Variants in N4BP2L2 observed in about 807,000 individuals in gnomAD.
N4BP2L2 encodes the protein NEDD4 binding protein 2 like 2, also known as NEDD4-binding protein 2-like 2.
In N4BP2L2, 50 loss-of-function variants were observed where a neutral mutation model predicts 56.2. That is an observed-to-expected ratio of 0.89 (90% CI 0.71 to 1.13). The LOEUF is 1.13. Among genes scored for constraint, N4BP2L2 ranks in the 50% most tolerant of loss-of-function variants. The pLI is 0.00. For synonymous variants in N4BP2L2, 203 were observed against 223.6 expected (o/e 0.91, Z 0.82); for missense variants, 689 against 693.8 (o/e 0.99, Z 0.08).
intron 6 of N4BP2L2, among the ~76,000 whole-genome samples, chr13:32,483,520 A>G (rs1341556081): frequency 6.6e-6 from 1 of 152,232 alleles, no homozygotes. Flanking sequence ...TAGGTTGTAC[A>G]TCACTAAATT....
chr13:32,529,282 G>T (rs2053958919), intron 2 of N4BP2L2, among the ~76,000 whole-genome samples: 1 of 152,156 alleles, frequency 6.6e-6, no homozygotes, highest in Admixed American at 6.5e-5. Flanking sequence ...CCATTAAAAT[G>T]CCAATTAAAA....
In N4BP2L2 at chr13:32,478,299, T is replaced by A. The variant is rs1187563185; in HGVS notation, c.366-34173A>T. On this transcript the variant is annotated intron_variant, in intron 6 of 9. Transcript: ENST00000357505. The stretch of plus-strand genomic sequence containing the variant: ...TCCTGTGAATTTAATGACCCCAAAT[T>A]ATTGGAGAACTTTGAGAATGGTCAT... The A allele has an allele frequency of 1.2e-5, 3 of 257,048 alleles. No individual in the cohort carries two copies. In the East Asian group the frequency reaches 2.6e-4, roughly 22 times the overall value. The allele number at this position is 257,048 out of a possible 1,614,324, so 15.9% of individuals were successfully genotyped here.
intron 6 of N4BP2L2, among the ~76,000 whole-genome samples, chr13:32,448,395 A>G (rs2077358481): frequency 6.6e-6 from 1 of 152,208 alleles, no homozygotes; most frequent in South Asian, 2.1e-4. Context: ...ATCACTAAAT[A>G]AAAGTTAGTC....
At chr13:32,492,827 T>G (rs2087480015) in intron 6 of N4BP2L2, among the ~76,000 whole-genome samples, 1 of 151,792 alleles carries the variant, frequency 6.6e-6, no homozygotes, top group South Asian at 2.1e-4. Context: ...AAATTTTGTA[T>G]ATTTAAAATT....
At chr13:32,487,442 A>C (rs1190217583) in intron 6 of N4BP2L2, among the ~76,000 whole-genome samples, 1 of 149,282 alleles carries the variant, frequency 6.7e-6, no homozygotes, top group Non-Finnish European at 1.5e-5. Flanking sequence ...GCACCACTGC[A>C]CTCCAGTCAG....
chr13:32,454,301 T>C (rs1466528548), intron 6 of N4BP2L2, among the ~76,000 whole-genome samples: 1 of 152,214 alleles, frequency 6.6e-6, no homozygotes, highest in Non-Finnish European at 1.5e-5. Flanking sequence ...GTTGAATCAC[T>C]AGCTGACTAC....
chr13:32,458,303 G>A (rs2079351613), intron 6 of N4BP2L2, among the ~76,000 whole-genome samples: 1 of 152,194 alleles, frequency 6.6e-6, no homozygotes, highest in East Asian at 1.9e-4. Flanking sequence ...CTGACCTCAT[G>A]ATCCGCCCAT....
chr13:32,477,966 GA>G, intron 6 of N4BP2L2: 1 of 1,289,330 alleles, frequency 7.8e-7, no homozygotes, highest in Non-Finnish European at 1.0e-6. Flanking sequence ...TCATGTCCTT[GA>G]TTCCAGCTCC....
intron 2 of N4BP2L2, among the ~76,000 whole-genome samples, chr13:32,532,985 A>T (rs1330696081): frequency 6.6e-6 from 1 of 151,938 alleles, no homozygotes; most frequent in Non-Finnish European, 1.5e-5. Context: ...TCAGCCTCCC[A>T]AAGTGCTGGG....
intron 3 of N4BP2L2, chr13:32,526,827 T>G (rs1365559598): frequency 2.2e-5 from 3 of 138,410 alleles, no homozygotes; most frequent in Admixed American, 2.1e-4. Flanking sequence ...TGTTTTTTTT[T>G]TTTTTTTTTT....
intron 6 of N4BP2L2, among the ~76,000 whole-genome samples, chr13:32,449,775 C>A (rs552582967): frequency 1.3e-5 from 2 of 152,112 alleles, no homozygotes; most frequent in African/African-American, 4.8e-5. Flanking sequence ...GAGACTCCCA[C>A]GATGCAATTC....
chr13:32,520,911 G>A (rs1241464651), intron 5 of N4BP2L2, among the ~76,000 whole-genome samples: 1 of 152,144 alleles, frequency 6.6e-6, no homozygotes, highest in Non-Finnish European at 1.5e-5. Context: ...TTTACATTAT[G>A]CAGATTCTTT....
chr13:32,521,873 G>A, intron 4 of N4BP2L2: 1 of 314,506 alleles, frequency 3.2e-6, no homozygotes, highest in Non-Finnish European at 5.8e-6. Context: ...CTACTCAGGT[G>A]GCTGAGGCAG....
exon 2 of N4BP2L2, chr13:32,536,755 T>A: frequency 1.2e-6 from 2 of 1,614,178 alleles, no homozygotes; most frequent in African/African-American, 2.7e-5. Context: ...CAATAACATC[T>A]GGTCTATTAC....
intron 6 of N4BP2L2, among the ~76,000 whole-genome samples, chr13:32,492,975 T>A (rs35555940): frequency 0.28 from 40,111 of 144,674 alleles, 6,634 homozygotes; most frequent in Non-Finnish European, 0.37. Context: ...CAGGATGCAG[T>A]GCTGTGGTAC....
downstream of N4BP2L2, chr13:32,506,902 T>A (rs910121555): frequency 2.6e-5 from 4 of 151,642 alleles, no homozygotes; most frequent in African/African-American, 9.7e-5. Flanking sequence ...CTGAAAGGCA[T>A]TAAGCATGAT....
chr13:32,536,186 G>C, exon 2 of N4BP2L2: 1 of 1,614,152 alleles, frequency 6.2e-7, no homozygotes, highest in Non-Finnish European at 8.5e-7. Flanking sequence ...ACTGGGAAGA[G>C]GGGGACCATA....
intron 6 of N4BP2L2, among the ~76,000 whole-genome samples, chr13:32,467,509 CT>C (rs2138844376): frequency 6.6e-6 from 1 of 151,172 alleles, no homozygotes; most frequent in African/African-American, 2.4e-5. Flanking sequence ...AACTCCTGAC[CT>C]CAAGTGATCT....
intron 2 of N4BP2L2, among the ~76,000 whole-genome samples, chr13:32,531,111 C>G (rs1243463504): frequency 6.6e-6 from 1 of 152,082 alleles, no homozygotes; most frequent in African/African-American, 2.4e-5. Context: ...CTCTTAGAAC[C>G]AGATCCTTCC....
Sources: allele counts gnomAD v4.1 joint callset (sites outside exome capture counted in the v4.1 genomes callset), GRCh38; gene constraint gnomAD v4.1.1; transcripts MANE v1.5; gene names NCBI Gene and HGNC (gene_info 2026-07-23, HGNC 2026-07-21).